Variants in NPAS3 observed in about 807,000 individuals in gnomAD.
NPAS3 encodes neuronal PAS domain-containing protein 3.
In NPAS3, 14 loss-of-function variants were observed where a neutral mutation model predicts 73.1. That is an observed-to-expected ratio of 0.19 (90% confidence interval 0.13 to 0.30). The LOEUF (loss-of-function observed/expected upper bound fraction) is 0.30, where lower values mean the gene tolerates loss of function less well. NPAS3 is among the 10% of genes least tolerant of loss of function. The probability of loss-of-function intolerance (pLI) is 1.00; values close to 1 mark genes in which losing one functional copy is unlikely to be tolerated. For synonymous variants in NPAS3, 620 were observed against 541.5 expected (o/e 1.14, Z -2.01); for missense variants, 1,096 against 1,250.0 (o/e 0.88, Z 1.86).
intron 1 of NPAS3, among the ~76,000 whole-genome samples, chr14:32,980,601 A>G (rs2037857165): frequency 6.6e-6 from 1 of 152,220 alleles, no homozygotes; most frequent in African/African-American, 2.4e-5. Context: ...CTTGGACGCT[A>G]CCATTTTAAA....
At chr14:33,415,932 T>C (rs1171111185) in intron 4 of NPAS3, among the ~76,000 whole-genome samples, 5 of 152,138 alleles carry the variant, frequency 3.3e-5, no homozygotes, top group Non-Finnish European at 7.4e-5. Context: ...AGTTAAGATT[T>C]GAGTGGATTG....
Position 33,646,108 on chromosome 14 carries a change from C to T in NPAS3, c.559-30103C>T, listed in dbSNP as rs183620118. On this transcript the variant is annotated intron_variant, in intron 5 of 11. Coordinates refer to ENST00000356141, the Ensembl canonical transcript of NPAS3. ...CTAGTCTTGGGGTTCTCTGAGAAAA[C>T]GAGGGGTCTGCTGAGGCCTGAAGGA... Among the ~76,000 whole-genome samples, 15 of 152,180 alleles carry T rather than the reference C, an allele frequency of 9.9e-5. No individual in the cohort carries two copies. In the East Asian group the frequency reaches 2.1e-3, roughly 22 times the overall value.
At chr14:33,713,927 A>G (rs1044694660) in intron 6 of NPAS3, among the ~76,000 whole-genome samples, 1 of 152,054 alleles carries the variant, frequency 6.6e-6, no homozygotes, top group Non-Finnish European at 1.5e-5. Context: ...CCTCAAACAC[A>G]TGATGTTCCT....
At chr14:33,265,526 A>C (rs2049138731) in intron 3 of NPAS3, among the ~76,000 whole-genome samples, 1 of 152,190 alleles carries the variant, frequency 6.6e-6, no homozygotes, top group Non-Finnish European at 1.5e-5. Context: ...TATAACAGCA[A>C]ATAAAGTAAA....
intron 4 of NPAS3, among the ~76,000 whole-genome samples, chr14:33,398,962 A>G (rs2047336654): frequency 6.6e-6 from 1 of 152,120 alleles, no homozygotes; most frequent in Non-Finnish European, 1.5e-5. Context: ...CAAGCCTTTC[A>G]CACTTTCCCA....
At chr14:33,032,668 A>G (rs191361766) in intron 1 of NPAS3, among the ~76,000 whole-genome samples, 1 of 152,340 alleles carries the variant, frequency 6.6e-6, no homozygotes, top group Non-Finnish European at 1.5e-5. Flanking sequence ...ACGGACTCCC[A>G]GAGTTCCTTG....
At chr14:33,505,377 C>G (rs2052707383) in intron 4 of NPAS3, among the ~76,000 whole-genome samples, 1 of 151,972 alleles carries the variant, frequency 6.6e-6, no homozygotes, top group Non-Finnish European at 1.5e-5. Context: ...TTCATTCCAA[C>G]TTTAGCAATT....
chr14:33,795,991 A>AT (rs1338880174), intron 10 of NPAS3, among the ~76,000 whole-genome samples: 3 of 152,180 alleles, frequency 2.0e-5, no homozygotes, highest in Non-Finnish European at 2.9e-5. Context: ...AGGGCAAGTG[A>AT]TCTGTGAGCC....
In NPAS3 at chr14:33,800,170, G is replaced by T; in HGVS notation, c.1863G>T (p.Ser621=). Reference sequence around the variant, plus strand: ...GCCGCCGGCGCCTGTCCAGCGCGTCGAGCCCAGGCGGCCTGGACGCGGGCC... The same window carrying T: ...GCCGCCGGCGCCTGTCCAGCGCGTCTAGCCCAGGCGGCCTGGACGCGGGCC... Residue 621 remains serine (S), a synonymous_variant, in exon 12 of 12, where the codon TCG becomes TCT. Transcript: ENST00000356141. The surrounding 1 kb of genome is among the most constrained non-coding windows in gnomAD (Gnocchi z 6.5). 1 of 1,607,804 alleles carries T rather than the reference G, an allele frequency of 6.2e-7. No homozygotes were observed. The highest frequency in any genetic ancestry group is 1.1e-5 in the South Asian group (1 of 90,638).
In NPAS3 at chr14:33,640,174, G is replaced by C. The variant is rs749608528; in HGVS notation, c.559-36037G>C. 3.3e-5 allele frequency among the ~76,000 whole-genome samples: 5 copies of C among 151,004 alleles called. No individual in the cohort carries two copies. In the East Asian group the frequency reaches 7.8e-4, roughly 24 times the overall value. On this transcript the variant is annotated intron_variant, in intron 5 of 11. Coordinates refer to ENST00000356141, the Ensembl canonical transcript of NPAS3. Reference sequence around the variant, plus strand: ...GAAGGTTGCAGTGAGCCGAGATCGCGACAGCGAGACCCCCTGTTGAAAAAA... The same window carrying C: ...GAAGGTTGCAGTGAGCCGAGATCGCCACAGCGAGACCCCCTGTTGAAAAAA...
chr14:32,966,174 ATTCT>A (rs2037150354), intron 1 of NPAS3, among the ~76,000 whole-genome samples: 1 of 152,206 alleles, frequency 6.6e-6, no homozygotes, highest in South Asian at 2.1e-4. Flanking sequence ...TACCAATGAG[ATTCT>A]TTATAGAAAT....
At chr14:33,018,927 G>C (rs2039491037) in intron 1 of NPAS3, among the ~76,000 whole-genome samples, 1 of 141,820 alleles carries the variant, frequency 7.1e-6, no homozygotes, top group Non-Finnish European at 1.5e-5. Flanking sequence ...CACAGGGAGT[G>C]CAAATTTATA....
intron 7 of NPAS3, among the ~76,000 whole-genome samples, chr14:33,741,374 C>T (rs2061651741): frequency 6.6e-6 from 1 of 152,106 alleles, no homozygotes; most frequent in African/African-American, 2.4e-5. Context: ...GCATTTATTG[C>T]CTTTCAATCA....
At chr14:33,113,926 A>T (rs1476496456) in intron 2 of NPAS3, among the ~76,000 whole-genome samples, 1 of 152,174 alleles carries the variant, frequency 6.6e-6, no homozygotes, top group East Asian at 1.9e-4. Context: ...TGAGATAATC[A>T]TGTGGTTTTT....
chr14:33,232,904 G>A (rs751379231), intron 3 of NPAS3, among the ~76,000 whole-genome samples: 10 of 152,104 alleles, frequency 6.6e-5, no homozygotes, highest in Non-Finnish European at 1.3e-4. Flanking sequence ...TTTCTAGGGC[G>A]AGTAGTGCTG....
chr14:33,036,238 C>G (rs2040164707), intron 1 of NPAS3, among the ~76,000 whole-genome samples: 1 of 152,042 alleles, frequency 6.6e-6, no homozygotes, highest in Admixed American at 6.6e-5. Flanking sequence ...GTAGGAAGCC[C>G]AAGGGGCTGT....
At chr14:33,456,713 G>A (rs1443103359) in intron 4 of NPAS3, among the ~76,000 whole-genome samples, 3 of 152,226 alleles carry the variant, frequency 2.0e-5, no homozygotes, top group African/African-American at 7.2e-5. Flanking sequence ...AAATTATAGC[G>A]GTGCTAGAAT....
intron 3 of NPAS3, among the ~76,000 whole-genome samples, chr14:33,337,461 G>T (rs571569934): frequency 3.9e-5 from 6 of 152,114 alleles, no homozygotes; most frequent in African/African-American, 1.4e-4. Context: ...AGACACATAT[G>T]CCAATACCAC....
At chr14:32,957,346 G>A (rs961336824) in intron 1 of NPAS3, among the ~76,000 whole-genome samples, 2 of 150,572 alleles carry the variant, frequency 1.3e-5, no homozygotes, top group African/African-American at 4.9e-5. Context: ...TCTTTTAAGT[G>A]TGGGTTATTA....
Sources: allele counts gnomAD v4.1 joint callset (sites outside exome capture counted in the v4.1 genomes callset), GRCh38; gene constraint gnomAD v4.1.1; non-coding constraint Gnocchi (gnomAD v3.1); transcripts MANE v1.5; gene names NCBI Gene and HGNC (gene_info 2026-07-23, HGNC 2026-07-21).